Variants in FANCC observed in about 807,000 individuals in gnomAD.
The protein encoded by FANCC is Fanconi anemia group C protein.
A neutral mutation model predicts 71.3 loss-of-function variants in FANCC; 55 were observed. That is an observed-to-expected ratio of 0.77 (90% CI 0.62 to 0.97). FANCC has a LOEUF of 0.97. Ranked by LOEUF, FANCC falls within the 50% of genes least tolerant of loss-of-function variation. FANCC has a pLI of 0.00. For missense variants in FANCC, 678 were observed against 670.9 expected (o/e 1.01, Z -0.12); for synonymous variants, 275 against 244.9 (o/e 1.12, Z -1.15).
intron 1 of FANCC, among the ~76,000 whole-genome samples, chr9:95,303,640 T>C (rs1452639631): frequency 1.3e-5 from 2 of 152,334 alleles, no homozygotes; most frequent in South Asian, 2.1e-4. Flanking sequence ...TGTCCTCACA[T>C]GACCTCTTCT....
intron 6 of FANCC, among the ~76,000 whole-genome samples, chr9:95,161,105 C>G (rs1588203306): frequency 6.6e-6 from 1 of 152,100 alleles, no homozygotes; most frequent in Middle Eastern, 3.2e-3. Context: ...AAAAGCTTGC[C>G]AAGAGAGGAC....
intron 6 of FANCC, among the ~76,000 whole-genome samples, chr9:95,166,028 T>C (rs1831045331): frequency 6.6e-6 from 1 of 152,046 alleles, no homozygotes; most frequent in Non-Finnish European, 1.5e-5. Flanking sequence ...AATCTTTTTC[T>C]TTGTCTCTTT....
At chr9:95,237,536 A>C (rs1830394417) in intron 4 of FANCC, among the ~76,000 whole-genome samples, 1 of 152,180 alleles carries the variant, frequency 6.6e-6, no homozygotes, top group Non-Finnish European at 1.5e-5. Context: ...CCTGTCCAAC[A>C]CGGCGGCCGC....
chr9:95,212,671 A>G (rs1293988189), intron 4 of FANCC, among the ~76,000 whole-genome samples: 5 of 152,224 alleles, frequency 3.3e-5, no homozygotes, highest in Admixed American at 2.0e-4. Flanking sequence ...GAGTGCTGAA[A>G]AGGGAGAATC....
rs371993188 is a variant in FANCC at position 95,247,416 on chromosome 9, C to T, written c.250+16G>A. 43 of 1,588,030 alleles carry T rather than the reference C, an allele frequency of 2.7e-5. No individual in the cohort carries two copies. The African/African-American group carries it at 3.6e-4, about 13-fold the overall frequency. On this transcript the variant is annotated intron_variant, in intron 3 of 14. Coordinates refer to ENST00000289081, the MANE Select transcript of FANCC (RefSeq NM_000136.3). ...TTAAAATAGCCATTTTGAGAGGACACGTTTTTGATTCTTACCATATGCTAA... is the reference window on the plus strand; with the variant it reads ...TTAAAATAGCCATTTTGAGAGGACATGTTTTTGATTCTTACCATATGCTAA...
At chr9:95,294,111 A>C (rs2136328369) in intron 1 of FANCC, 2 of 1,610,396 alleles carry the variant, frequency 1.2e-6, no homozygotes, top group East Asian at 4.5e-5. Flanking sequence ...TAGATTTATT[A>C]AGTGATTTGG....
chr9:95,117,578 C>CT (rs1224885787), intron 10 of FANCC, among the ~76,000 whole-genome samples, 188 bp from the exon 11 acceptor site: 2 of 139,290 alleles, frequency 1.4e-5, no homozygotes, highest in Non-Finnish European at 3.1e-5. Context: ...AATAATTAAC[C>CT]TTTTTAAAGT....
chr9:95,246,505 A>C (rs1190043878), intron 3 of FANCC, among the ~76,000 whole-genome samples: 2 of 152,226 alleles, frequency 1.3e-5, no homozygotes, highest in East Asian at 3.9e-4. Flanking sequence ...AAAATCTTAA[A>C]AGTAAATATT....
chr9:95,237,460 CTT>C (rs1483919846), intron 4 of FANCC, among the ~76,000 whole-genome samples: 1 of 152,238 alleles, frequency 6.6e-6, no homozygotes, highest in Non-Finnish European at 1.5e-5. Flanking sequence ...CTCACCGAGT[CTT>C]TGCTCACAGT....
chr9:95,102,152 G>C (rs2071111906), intron 14 of FANCC, among the ~76,000 whole-genome samples: 1 of 152,218 alleles, frequency 6.6e-6, no homozygotes, highest in African/African-American at 2.4e-5. Context: ...AATCAGAAGT[G>C]CTTCTCAGAA....
Position 95,111,507 on chromosome 9 carries a change from A to T in FANCC, c.1285T>A (p.Tyr429Asn), listed in dbSNP as rs751143672. 6.2e-7 allele frequency: 1 copy of T among 1,614,064 alleles called. No homozygotes were observed. The highest frequency in any genetic ancestry group is 1.1e-5 in the South Asian group (1 of 91,088). Reference sequence around the variant, plus strand: ...TGCCTCCCATCACGGGGGCCGTAGTAGAAGGCCAAGAGCCACAGCAGGGCC... The same window carrying T: ...TGCCTCCCATCACGGGGGCCGTAGTTGAAGGCCAAGAGCCACAGCAGGGCC... Reference protein sequence around the residue: ...PTALLWLLAFYYGPRDGRQQR... With the variant: ...PTALLWLLAFNYGPRDGRQQR... The change falls in exon 13 of 15, where the codon TAC (tyrosine) becomes AAC (asparagine). Residue 429 changes from tyrosine (Y) to asparagine (N), a missense_variant. By Grantham distance (143) the Tyr-to-Asn change is moderately radical. Coordinates refer to ENST00000289081, the MANE Select transcript of FANCC (RefSeq NM_000136.3).
intron 2 of FANCC, 47 bp downstream of exon 2, chr9:95,249,080 G>A (rs1235849564): frequency 1.3e-6 from 2 of 1,596,432 alleles, no homozygotes; most frequent in South Asian, 1.1e-5. Flanking sequence ...ATCTGGTAGA[G>A]TCCCTGAAGT....
chr9:95,222,784 TTC>T (rs1829363098), intron 4 of FANCC, among the ~76,000 whole-genome samples: 1 of 152,212 alleles, frequency 6.6e-6, no homozygotes, highest in Non-Finnish European at 1.5e-5. Flanking sequence ...CTTTTTCATT[TTC>T]TGTGTTTCCT....
At chr9:95,293,093 G>C in intron 1 of FANCC, 1 of 1,612,276 alleles carries the variant, frequency 6.2e-7, no homozygotes, top group Non-Finnish European at 8.5e-7. Flanking sequence ...CCAATCCCTA[G>C]ACCAGACACC....
chr9:95,287,975 A>G (rs1351278776), intron 1 of FANCC, among the ~76,000 whole-genome samples: 1 of 152,172 alleles, frequency 6.6e-6, no homozygotes, highest in African/African-American at 2.4e-5. Context: ...TTTCTAGCTG[A>G]TAAGGAACCC....
chr9:95,125,757 C>T (rs1424585902), intron 9 of FANCC, among the ~76,000 whole-genome samples: 1 of 152,160 alleles, frequency 6.6e-6, no homozygotes, highest in African/African-American at 2.4e-5. Context: ...AATTCCTTTC[C>T]CCAAAGTCTG....
intron 4 of FANCC, among the ~76,000 whole-genome samples, chr9:95,174,412 A>G (rs553863397): frequency 2.0e-4 from 31 of 152,158 alleles, no homozygotes; most frequent in African/African-American, 7.0e-4. Context: ...GTTTCAACAC[A>G]TGAATTTTAG....
rs1160107777 is a variant in FANCC, at chr9:95,125,123, T to C, written c.959A>G (p.Gln320Arg). 2 of 1,614,238 alleles carry C rather than the reference T, an allele frequency of 1.2e-6. No homozygotes were observed. The highest frequency in any genetic ancestry group is 1.7e-5 in the Admixed American group (1 of 60,028). ...EIIATIQVFTQCFVEALEKAS... is the reference protein window; with the variant it reads ...EIIATIQVFTRCFVEALEKAS... ...TTTCTCCAGAGCTTCTACAAAGCAC[T>C]GCGTAAACACCTGAATAGTGGCTAT... is the stretch of plus-strand genomic sequence containing the variant. Residue 320 changes from glutamine (Q) to arginine (R), a missense_variant, in exon 10 of 15, where the codon CAG becomes CGG. By Grantham distance (43) the Gln-to-Arg change is conservative. Coordinates refer to ENST00000289081, the MANE Select transcript of FANCC (RefSeq NM_000136.3).
intron 1 of FANCC, among the ~76,000 whole-genome samples, chr9:95,251,157 A>T (rs1831307350): frequency 6.6e-6 from 1 of 152,188 alleles, no homozygotes. Flanking sequence ...ACTGGTGTGT[A>T]AATTCCCTGT....
Sources: allele counts gnomAD v4.1 joint callset (sites outside exome capture counted in the v4.1 genomes callset), GRCh38; gene constraint gnomAD v4.1.1; transcripts MANE v1.5; gene names NCBI Gene and HGNC (gene_info 2026-07-23, HGNC 2026-07-21).